GPC5: variants seen among roughly 807,000 people sequenced by gnomAD.
GPC5 encodes glypican-5.
Under a neutral mutation model 53.9 loss-of-function variants are expected in GPC5, and 47 were observed. The ratio of observed to expected loss-of-function variants is 0.87; its 90% CI spans 0.69 to 1.11. The LOEUF (loss-of-function observed/expected upper bound fraction) is 1.11. Among genes scored for constraint, GPC5 ranks in the 50% most tolerant of loss-of-function variants. GPC5 has a pLI of 0.00. For synonymous variants in GPC5, 286 were observed against 263.3 expected, an observed-to-expected ratio of 1.09 and a Z score of -0.84; for missense variants, 748 against 713.1, an observed-to-expected ratio of 1.05 and a Z score of -0.56.
intron 2 of GPC5, among the ~76,000 whole-genome samples, chr13:91,607,587 T>C (rs1282319298): frequency 6.6e-6 from 1 of 152,244 alleles, no homozygotes; most frequent in East Asian, 1.9e-4. Flanking sequence ...ATTTTATTTA[T>C]GTTTTATATG....
chr13:91,435,782 C>T (rs1879892032), intron 1 of GPC5, among the ~76,000 whole-genome samples: 1 of 152,096 alleles, frequency 6.6e-6, no homozygotes, highest in Non-Finnish European at 1.5e-5. Context: ...CTCCTTGTTC[C>T]TCTGATAGAA....
chr13:92,793,363 A>G (rs182253757), intron 7 of GPC5, among the ~76,000 whole-genome samples: 3 of 152,294 alleles, frequency 2.0e-5, no homozygotes, highest in African/African-American at 7.2e-5. Context: ...ATGTACTAGA[A>G]TCTCTGGGAC....
At chr13:92,792,750 A>G (rs939374985) in intron 7 of GPC5, among the ~76,000 whole-genome samples, 12 of 152,190 alleles carry the variant, frequency 7.9e-5, no homozygotes, top group Admixed American at 7.9e-4. Flanking sequence ...CTCTGTTAAA[A>G]CAGACTTTAA....
intron 7 of GPC5, among the ~76,000 whole-genome samples, chr13:92,789,113 T>C (rs1876366973): frequency 6.6e-6 from 1 of 152,156 alleles, no homozygotes; most frequent in African/African-American, 2.4e-5. Context: ...CTCCTGTACC[T>C]TTTCCATGTT....
intron 5 of GPC5, among the ~76,000 whole-genome samples, chr13:91,830,808 A>G (rs1358919547): frequency 7.2e-6 from 1 of 138,386 alleles, no homozygotes; most frequent in Non-Finnish European, 1.5e-5. Flanking sequence ...TATATAATAT[A>G]TATCCTATTA....
At chr13:91,597,684 C>T (rs1055266095) in intron 2 of GPC5, among the ~76,000 whole-genome samples, 2 of 152,124 alleles carry the variant, frequency 1.3e-5, no homozygotes, top group Non-Finnish European at 2.9e-5. Context: ...TATTTCTATC[C>T]CCCTTCATGG....
At chr13:91,530,570 G>A (rs942855758) in intron 2 of GPC5, among the ~76,000 whole-genome samples, 1 of 152,054 alleles carries the variant, frequency 6.6e-6, no homozygotes, top group Non-Finnish European at 1.5e-5. Flanking sequence ...TTCACCTTTA[G>A]CTTTTTCCAC....
Position 92,385,463 on chromosome 13 carries a change from C to T in GPC5, c.1561+240474C>T, listed in dbSNP as rs138521954. ...ATATATACATATATACATATATACA[C>T]ATATATACATATATACATATATACA... On this transcript the variant is annotated intron_variant, in intron 7 of 7. Coordinates refer to ENST00000377067, the MANE Select transcript of GPC5 (RefSeq NM_004466.6). 4.0e-3 allele frequency among the ~76,000 whole-genome samples: 462 copies of T among 115,742 alleles called. 4 individuals are homozygous for T. Among genetic ancestry groups the T allele is most frequent in the South Asian group, 9.0e-3 (32 of 3,572 alleles). The allele number at this position is 115,742 out of a possible 152,430, so 75.9% of individuals were successfully genotyped here. A position where few individuals can be genotyped will look rare whatever the true frequency, so the allele number is the denominator to read the frequency against.
intron 7 of GPC5, among the ~76,000 whole-genome samples, chr13:92,405,239 G>A (rs996223526): frequency 6.6e-6 from 1 of 152,176 alleles, no homozygotes; most frequent in African/African-American, 2.4e-5. Flanking sequence ...GGAGGGCACA[G>A]TCACACACTC....
At chr13:91,813,280 AT>A (rs2038342355) in intron 5 of GPC5, among the ~76,000 whole-genome samples, 2 of 152,082 alleles carry the variant, frequency 1.3e-5, no homozygotes, top group Non-Finnish European at 2.9e-5. Context: ...CATTACTTTG[AT>A]GCACCTGTTA....
chr13:92,828,903 G>A (rs74639627), intron 7 of GPC5, among the ~76,000 whole-genome samples: 2,473 of 152,094 alleles, frequency 0.016, 79 homozygotes, highest in African/African-American at 0.057. Context: ...CACACTATTC[G>A]GGTGATGAAT....
chr13:92,493,501 G>T (rs1879845220), intron 7 of GPC5, among the ~76,000 whole-genome samples: 1 of 152,116 alleles, frequency 6.6e-6, no homozygotes, highest in Non-Finnish European at 1.5e-5. Context: ...TATTTCATTT[G>T]TGGGGTTAAC....
intron 7 of GPC5, among the ~76,000 whole-genome samples, chr13:92,356,792 A>G (rs1445309485): frequency 2.6e-5 from 4 of 152,212 alleles, no homozygotes; most frequent in Admixed American, 2.6e-4. Flanking sequence ...GGTTTGTTGT[A>G]TAAATTATTT....
At chr13:92,046,663 A>C (rs2040984189) in intron 6 of GPC5, among the ~76,000 whole-genome samples, 1 of 152,204 alleles carries the variant, frequency 6.6e-6, no homozygotes, top group Admixed American at 6.5e-5. Context: ...CTGATTAGTC[A>C]CACAGTTCTA....
intron 7 of GPC5, among the ~76,000 whole-genome samples, chr13:92,201,421 T>A (rs1249944946): frequency 6.6e-6 from 1 of 152,178 alleles, no homozygotes; most frequent in African/African-American, 2.4e-5. Context: ...TCAACTGTCA[T>A]AGAAGATATC....
chr13:92,820,524 T>A (rs1877638381), intron 7 of GPC5, among the ~76,000 whole-genome samples: 1 of 152,126 alleles, frequency 6.6e-6, no homozygotes, highest in Non-Finnish European at 1.5e-5. Context: ...CCTTTAGTTG[T>A]CTGCCATTAA....
chr13:92,131,308 T>G (rs896742303), intron 6 of GPC5, among the ~76,000 whole-genome samples: 25 of 152,048 alleles, frequency 1.6e-4, no homozygotes, highest in African/African-American at 5.8e-4. Context: ...ATGTACCTTT[T>G]GACCCAGCAA....
chr13:91,788,834 T>C (rs1330396775), intron 5 of GPC5, among the ~76,000 whole-genome samples: 1 of 152,190 alleles, frequency 6.6e-6, no homozygotes, highest in East Asian at 1.9e-4. Flanking sequence ...TTGGGGGGAA[T>C]AAAAGGAAAC....
chr13:92,648,260 A>G (rs186888987), intron 7 of GPC5, among the ~76,000 whole-genome samples: 1 of 152,050 alleles, frequency 6.6e-6, no homozygotes, highest in South Asian at 2.1e-4. Context: ...AGTTACTACA[A>G]ATGAAACCAA....
Sources: allele counts gnomAD v4.1 joint callset (sites outside exome capture counted in the v4.1 genomes callset), GRCh38; gene constraint gnomAD v4.1.1; transcripts MANE v1.5; gene names NCBI Gene and HGNC (gene_info 2026-07-23, HGNC 2026-07-21).